MEIS2: variants seen among roughly 807,000 people sequenced by gnomAD.
MEIS2 encodes the protein Meis homeobox 2.
A neutral mutation model predicts 58.6 loss-of-function variants in MEIS2; 9 were observed. That is an observed-to-expected ratio of 0.15 (90% CI 0.09 to 0.27). MEIS2 has a LOEUF of 0.27. MEIS2 is among the 10% of genes least tolerant of loss of function. MEIS2 has a pLI of 1.00. For missense variants in MEIS2, 427 were observed against 635.0 expected (o/e 0.67, Z 3.52); for synonymous variants, 221 against 228.4 (o/e 0.97, Z 0.29).
intron 9 of MEIS2, among the ~76,000 whole-genome samples, chr15:36,925,118 C>T (rs2057691780): frequency 6.6e-6 from 1 of 151,664 alleles, no homozygotes; most frequent in Non-Finnish European, 1.5e-5. Flanking sequence ...TAAGGGCAGC[C>T]CTAGCTCAAA....
At chr15:36,965,317 A>G (rs576514365) in intron 8 of MEIS2, among the ~76,000 whole-genome samples, 1 of 152,368 alleles carries the variant, frequency 6.6e-6, no homozygotes, top group Admixed American at 6.5e-5. Context: ...GTCAACTTAC[A>G]GATAAAATAA....
At chr15:37,060,277 C>T (rs548331366) in intron 7 of MEIS2, among the ~76,000 whole-genome samples, 1 of 152,236 alleles carries the variant, frequency 6.6e-6, no homozygotes, top group South Asian at 2.1e-4. Flanking sequence ...CTTCAACATA[C>T]CACCTTTTAG....
At chr15:37,027,016 C>T (rs187086160) in intron 8 of MEIS2, among the ~76,000 whole-genome samples, 2 of 152,222 alleles carry the variant, frequency 1.3e-5, no homozygotes, top group African/African-American at 4.8e-5. Flanking sequence ...GATAATACAC[C>T]TTTAAAGGGT....
intron 7 of MEIS2, among the ~76,000 whole-genome samples, chr15:37,058,086 T>C (rs1325230273): frequency 6.6e-6 from 1 of 152,128 alleles, no homozygotes; most frequent in East Asian, 1.9e-4. Context: ...TTTTTGTTCC[T>C]ACGAAGATCA....
rs979452841 is a variant in MEIS2 at position 37,008,055 on chromosome 15, T to C, written c.900+28759A>G. On this transcript the variant is annotated intron_variant, in intron 8 of 11. Transcript: ENST00000561208. The stretch of plus-strand genomic sequence containing the variant: ...AAATCGAACGCAGAGAATTAAACAG[T>C]AGAAAAGTATTCATTTTAATGCTAC... 4.6e-5 allele frequency among the ~76,000 whole-genome samples: 7 copies of C among 152,206 alleles called. No individual in the cohort carries two copies. The South Asian group carries it at 6.2e-4, about 13-fold the overall frequency.
chr15:36,963,618 T>C (rs1202175232), intron 8 of MEIS2, among the ~76,000 whole-genome samples: 3 of 152,222 alleles, frequency 2.0e-5, no homozygotes, highest in African/African-American at 7.2e-5. Flanking sequence ...CCAACCTAAC[T>C]AGCCAATTTT....
chr15:37,033,399 A>C (rs2062010112), intron 8 of MEIS2, among the ~76,000 whole-genome samples: 1 of 152,220 alleles, frequency 6.6e-6, no homozygotes, highest in Non-Finnish European at 1.5e-5. Flanking sequence ...TGAGATGCAA[A>C]ATACATTTGC....
At chr15:37,005,723 A>G (rs2060898364) in intron 8 of MEIS2, among the ~76,000 whole-genome samples, 3 of 151,874 alleles carry the variant, frequency 2.0e-5, no homozygotes, top group Admixed American at 2.0e-4. Context: ...TGTCCACCTA[A>G]TTTTTGTATT....
chr15:36,933,432 T>G (rs2058053098), intron 9 of MEIS2, among the ~76,000 whole-genome samples: 1 of 152,218 alleles, frequency 6.6e-6, no homozygotes, highest in Non-Finnish European at 1.5e-5. Flanking sequence ...CATGGAATTT[T>G]AATCTCCTCC....
At chr15:36,947,547 T>C (rs1322034581) in intron 9 of MEIS2, among the ~76,000 whole-genome samples, 1 of 151,956 alleles carries the variant, frequency 6.6e-6, no homozygotes, top group Admixed American at 6.6e-5. Context: ...CTTTCTATAT[T>C]AAGAGGTAAG....
intron 6 of MEIS2, among the ~76,000 whole-genome samples, chr15:37,085,739 A>G (rs1596105976): frequency 1.3e-5 from 2 of 152,298 alleles, no homozygotes; most frequent in East Asian, 3.9e-4. Flanking sequence ...AATTGAGTAG[A>G]ATAAAATAAA....
chr15:37,097,593 C>T (rs1303297367), intron 2 of MEIS2, among the ~76,000 whole-genome samples: 5 of 152,200 alleles, frequency 3.3e-5, no homozygotes, highest in Non-Finnish European at 7.3e-5. Context: ...AAAGTTGCTT[C>T]TCATCGGCAG....
At chr15:36,971,880 A>G (rs567409839) in intron 8 of MEIS2, among the ~76,000 whole-genome samples, 1 of 152,298 alleles carries the variant, frequency 6.6e-6, no homozygotes, top group East Asian at 1.9e-4. Flanking sequence ...CTTAGTTTCT[A>G]TTGCTGCAAA....
chr15:36,890,415 G>C lies in MEIS2; in HGVS notation c.*1758C>G, dbSNP rs191386142. ...GTTTTCAGAAAAAAGTTTAAGTTTA[G>C]TTATCAAATCATCACACTAGCATCC... On this transcript the variant is annotated 3_prime_UTR_variant, in exon 12 of 12. Coordinates refer to ENST00000561208, the MANE Select transcript of MEIS2 (RefSeq NM_170675.5). 3 of 152,092 alleles carry C rather than the reference G, an allele frequency of 2.0e-5. No individual in the cohort carries two copies. Among genetic ancestry groups the C allele is most frequent in the Non-Finnish European group, 4.4e-5 (3 of 68,000 alleles). The allele number at this position is 152,092 out of a possible 1,614,324, so 9.4% of individuals were successfully genotyped here.
chr15:37,002,390 T>C (rs950654656), intron 8 of MEIS2, among the ~76,000 whole-genome samples: 2 of 152,026 alleles, frequency 1.3e-5, no homozygotes, highest in Admixed American at 6.6e-5. Context: ...CCTGTACCCA[T>C]AGTTTTCTTT....
chr15:37,090,569 A>G (rs1261566784), intron 6 of MEIS2, among the ~76,000 whole-genome samples: 6 of 152,160 alleles, frequency 3.9e-5, no homozygotes, highest in African/African-American at 1.4e-4. Flanking sequence ...ATTCTTTTAA[A>G]GAATACTGAA....
At chr15:36,972,095 G>C (rs2059590211) in intron 8 of MEIS2, among the ~76,000 whole-genome samples, 2 of 152,140 alleles carry the variant, frequency 1.3e-5, no homozygotes, top group African/African-American at 4.8e-5. Flanking sequence ...TTGAAGAAAT[G>C]AGAATATGGT....
At chr15:37,008,039 G>A (rs968486271) in intron 8 of MEIS2, among the ~76,000 whole-genome samples, 2 of 152,150 alleles carry the variant, frequency 1.3e-5, no homozygotes, top group Non-Finnish European at 1.5e-5. Context: ...TAAATCGAAC[G>A]CAGAGAATTA....
At chr15:36,927,510 C>T (rs2057795638) in intron 9 of MEIS2, among the ~76,000 whole-genome samples, 1 of 152,186 alleles carries the variant, frequency 6.6e-6, no homozygotes, top group Non-Finnish European at 1.5e-5. Context: ...TTCTCATCTT[C>T]AGACCTTGTT....
Sources: gnomAD v4.1 joint callset for allele counts (sites outside exome capture counted in the v4.1 genomes callset) on GRCh38, gnomAD v4.1.1 for gene constraint, MANE v1.5 for transcripts, NCBI Gene and HGNC (gene_info 2026-07-23, HGNC 2026-07-21) for gene names.